Variants in SUSD1 observed in about 807,000 individuals in gnomAD.
SUSD1 encodes the protein sushi domain-containing protein 1.
A neutral mutation model predicts 86.9 loss-of-function variants in SUSD1; 65 were observed. The observed-to-expected ratio is 0.75, with a 90% confidence interval of 0.61 to 0.92. The LOEUF is 0.92. Ranked by LOEUF, SUSD1 falls within the 40% of genes least tolerant of loss-of-function variation. The pLI is 0.00. For missense variants in SUSD1, 850 were observed against 929.7 expected, an observed-to-expected ratio of 0.91 and a Z score of 1.11; for synonymous variants, 346 against 350.0, an observed-to-expected ratio of 0.99 and a Z score of 0.13.
At chr9:112,127,270 G>A (rs996913580) in intron 5 of SUSD1, among the ~76,000 whole-genome samples, 5 of 152,214 alleles carry the variant, frequency 3.3e-5, no homozygotes, top group African/African-American at 1.2e-4. Context: ...CTACTCAGGA[G>A]ACTGGGGCAC....
In SUSD1 at chr9:112,111,635, A is replaced by G. The variant is rs368280158; in HGVS notation, c.1171+19T>C. ...GCTTAGCATTTTCTAGGAGGAAATG[A>G]GACTTCACCTCCACCTACCAGCTGT... On this transcript the variant is annotated intron_variant, in intron 8 of 16. Transcript: ENST00000374270. 9.3e-6 allele frequency: 15 copies of G among 1,608,254 alleles called. No individual in the cohort carries two copies. The highest frequency in any genetic ancestry group is 1.3e-5 in the Non-Finnish European group (15 of 1,177,310).
rs926384385 is a variant in SUSD1, at chr9:112,113,873, A to G, written c.887-1005T>C. ...CTTGAACCTGGGAGGCAGAGGTTGC[A>G]GTGAGCTGAGATTGCACCACTGCAC... is the stretch of plus-strand genomic sequence containing the variant. On this transcript the variant is annotated intron_variant, in intron 6 of 16. Coordinates refer to ENST00000374270, the MANE Select transcript of SUSD1 (RefSeq NM_022486.5). The surrounding 1 kb of genome is among the most constrained non-coding windows in gnomAD (Gnocchi z 4.1). Among the ~76,000 whole-genome samples, 2 of 152,148 alleles carry G rather than the reference A, an allele frequency of 1.3e-5. No homozygotes were observed. The highest frequency in any genetic ancestry group is 4.8e-5 in the African/African-American group (2 of 41,430).
chr9:112,048,767 A>C (rs572477162), intron 15 of SUSD1, among the ~76,000 whole-genome samples: 1 of 152,362 alleles, frequency 6.6e-6, no homozygotes, highest in South Asian at 2.1e-4. Context: ...TTTGATTTTA[A>C]TCTTGAAAAA....
At chr9:112,060,060 T>C (rs1441153692) in intron 13 of SUSD1, among the ~76,000 whole-genome samples, 1 of 151,992 alleles carries the variant, frequency 6.6e-6, no homozygotes, top group African/African-American at 2.4e-5. Flanking sequence ...CAAAACTCAT[T>C]AGGCCATGTA....
intron 13 of SUSD1, among the ~76,000 whole-genome samples, chr9:112,059,135 A>T (rs1828593831): frequency 6.6e-6 from 1 of 152,204 alleles, no homozygotes. Context: ...ACACTAGGCA[A>T]GAAAAAGTCC....
chr9:112,152,969 A>G (rs1050881447), intron 2 of SUSD1, among the ~76,000 whole-genome samples: 5 of 151,930 alleles, frequency 3.3e-5, no homozygotes, highest in African/African-American at 1.2e-4. Context: ...CTTTCTTATT[A>G]AAAACTCAGA....
chr9:112,168,314 T>G (rs1424758815), intron 1 of SUSD1, among the ~76,000 whole-genome samples: 2 of 152,222 alleles, frequency 1.3e-5, no homozygotes, highest in African/African-American at 4.8e-5. Flanking sequence ...TGCATTCAGG[T>G]GTCTACCCAT....
intron 12 of SUSD1, among the ~76,000 whole-genome samples, chr9:112,067,601 G>C (rs1031261325): frequency 6.6e-6 from 1 of 152,184 alleles, no homozygotes; most frequent in Non-Finnish European, 1.5e-5. Flanking sequence ...AAGAATTGCT[G>C]TGAATTCCAG....
At chr9:112,143,962 G>A (rs991959406) in intron 3 of SUSD1, among the ~76,000 whole-genome samples, 1 of 151,730 alleles carries the variant, frequency 6.6e-6, no homozygotes, top group Non-Finnish European at 1.5e-5. Flanking sequence ...TATCCTGACC[G>A]GGCATGGTGG....
intron 13 of SUSD1, among the ~76,000 whole-genome samples, chr9:112,062,670 G>A (rs565737483): frequency 6.6e-6 from 1 of 152,190 alleles, no homozygotes; most frequent in Admixed American, 6.5e-5. Flanking sequence ...ACTCCGGCCT[G>A]TATGATGGGA....
chr9:112,173,368 G>A (rs892492370), intron 1 of SUSD1, among the ~76,000 whole-genome samples: 2 of 150,864 alleles, frequency 1.3e-5, no homozygotes, highest in African/African-American at 2.4e-5. Flanking sequence ...CAGGATCAGC[G>A]TTTGGTTTTA....
chr9:112,142,171 A>G, intron 5 of SUSD1, 149 bp downstream of exon 5: 1 of 642,380 alleles, frequency 1.6e-6, no homozygotes, highest in Non-Finnish European at 2.4e-6. Context: ...TGAAAAATCA[A>G]GAAAATCACC....
chr9:112,077,588 T>G (rs1589619063), intron 12 of SUSD1, among the ~76,000 whole-genome samples: 2 of 123,214 alleles, frequency 1.6e-5, no homozygotes, highest in South Asian at 5.8e-4. Context: ...CAACACAACC[T>G]CCACCTCCTG....
At chr9:112,144,913 T>C (rs925546845) in intron 3 of SUSD1, among the ~76,000 whole-genome samples, 1 of 152,126 alleles carries the variant, frequency 6.6e-6, no homozygotes, top group Non-Finnish European at 1.5e-5. Flanking sequence ...TTCCAGTTAG[T>C]AGTTTTTTCC....
chr9:112,151,368 A>G (rs1323679040), intron 2 of SUSD1, among the ~76,000 whole-genome samples: 2 of 151,966 alleles, frequency 1.3e-5, no homozygotes, highest in African/African-American at 2.4e-5. Flanking sequence ...AGGCTGAGGC[A>G]GGAGGATCGC....
At chr9:112,143,764 C>T (rs1832688715) in intron 3 of SUSD1, 141 bp from the exon 4 acceptor site, 2 of 823,992 alleles carry the variant, frequency 2.4e-6, no homozygotes, top group South Asian at 2.1e-5. Flanking sequence ...TTGTATCATA[C>T]ATTTTATTTT....
chr9:112,078,394 A>G, intron 12 of SUSD1, 144 bp downstream of exon 12: 1 of 742,780 alleles, frequency 1.3e-6, no homozygotes, highest in Non-Finnish European at 2.1e-6. Context: ...GCCTTAAGGC[A>G]CCTCTCCAAT....
intron 12 of SUSD1, among the ~76,000 whole-genome samples, chr9:112,077,499 CTTTTTTTT>C (rs869259276): frequency 4.5e-5 from 3 of 66,420 alleles, no homozygotes; most frequent in Admixed American, 1.7e-4. Context: ...TAGTAATCTA[CTTTTTTTT>C]TTTTTTTTTT....
intron 15 of SUSD1, among the ~76,000 whole-genome samples, chr9:112,051,683 G>A (rs1236934561): frequency 7.2e-5 from 11 of 151,850 alleles, no homozygotes; most frequent in South Asian, 2.1e-4. Flanking sequence ...CACCTGCCTC[G>A]GCCTCCCAAA....
Sources: allele counts gnomAD v4.1 joint callset (sites outside exome capture counted in the v4.1 genomes callset), GRCh38; gene constraint gnomAD v4.1.1; non-coding constraint Gnocchi (gnomAD v3.1); transcripts MANE v1.5; gene names NCBI Gene and HGNC (gene_info 2026-07-23, HGNC 2026-07-21).